Variants in RIC8B observed in about 807,000 individuals in gnomAD.
RIC8B encodes RIC8 guanine nucleotide exchange factor B.
Under a neutral mutation model 57.5 loss-of-function variants are expected in RIC8B, and 16 were observed. The ratio of observed to expected loss-of-function variants is 0.28; its 90% confidence interval spans 0.19 to 0.42. RIC8B has a LOEUF of 0.42. Ranked by LOEUF, RIC8B falls within the 10% of genes least tolerant of loss-of-function variation. The probability of loss-of-function intolerance (pLI) is 1.00; values close to 1 mark genes in which losing one functional copy is unlikely to be tolerated. For synonymous variants in RIC8B, 216 were observed against 250.8 expected, an observed-to-expected ratio of 0.86 and a Z score of 1.31; for missense variants, 481 against 677.0, an observed-to-expected ratio of 0.71 and a Z score of 3.21.
At position 106,815,195 on chromosome 12, in the gene RIC8B, C is replaced by T. The variant is rs1002427921; in HGVS notation, c.632C>T (p.Ala211Val). The part of the protein sequence containing the change: ...SIKWTDEYES[A>V]IDHNGPPLSP... ...AAGTGGACCGATGAGTATGAATCGG[C>T]CATAGACCATAATGGACCTCCTCTC... Residue 211 changes from alanine (A) to valine (V), a missense_variant, in exon 3 of 10, where the codon GCC becomes GTC. By Grantham distance (64) the Ala-to-Val change is moderately conservative (BLOSUM62 0). Around this residue, in one of 3 missense-constraint regions of RIC8B, gnomAD observed 421 missense variants for 560.9 expected, o/e 0.75. Coordinates refer to ENST00000392837, the MANE Select transcript of RIC8B (RefSeq NM_001330145.2). 3 of 1,614,066 alleles carry T rather than the reference C, an allele frequency of 1.9e-6. No individual in the cohort carries two copies. Among genetic ancestry groups the T allele is most frequent in the African/African-American group, 2.7e-5 (2 of 74,912 alleles).
chr12:106,786,752 T>G (rs752071387), intron 2 of RIC8B, among the ~76,000 whole-genome samples: 16 of 151,824 alleles, frequency 1.1e-4, no homozygotes, highest in Non-Finnish European at 1.0e-4. Flanking sequence ...AATATTATGA[T>G]GTAGTAGAAA....
intron 1 of RIC8B, among the ~76,000 whole-genome samples, chr12:106,780,183 G>A (rs756271006): frequency 2.0e-5 from 3 of 152,088 alleles, no homozygotes; most frequent in East Asian, 1.9e-4. Flanking sequence ...CAACCCCCTC[G>A]TTTAATAGAT....
At chr12:106,868,384 T>C (rs1359830282) in intron 8 of RIC8B, 1 of 455,788 alleles carries the variant, frequency 2.2e-6, no homozygotes, top group Non-Finnish European at 4.4e-6. Flanking sequence ...CCTTCCCTTA[T>C]ACTTTCTTCT....
chr12:106,814,760 G>A lies in RIC8B; in HGVS notation c.197G>A (p.Cys66Tyr). Residue 66 changes from cysteine to tyrosine, a missense_variant, in exon 3 of 10, where the codon TGC becomes TAC. Physicochemically the swap from Cys to Tyr is radical, Grantham distance 194. This residue lies in a region of RIC8B where 421 missense variants were observed against 560.9 expected (regional missense o/e 0.75). Coordinates refer to ENST00000392837, the MANE Select transcript of RIC8B (RefSeq NM_001330145.2). ...ATCCCAACAACATGTCAAGTGTCCT[G>A]CCTGGAAGTACTCCGCATTCTCTCC... The part of the protein sequence containing the change: ...KDIPTTCQVS[C>Y]LEVLRILSRD... 6.2e-7 allele frequency: 1 copy of A among 1,614,046 alleles called. No homozygotes were observed. Among genetic ancestry groups the A allele is most frequent in the Non-Finnish European group, 8.5e-7 (1 of 1,179,938 alleles).
intron 2 of RIC8B, among the ~76,000 whole-genome samples, chr12:106,796,544 A>G (rs138337341): frequency 4.5e-4 from 68 of 152,338 alleles, no homozygotes; most frequent in African/African-American, 1.5e-3. Context: ...CAAAAATTCA[A>G]CTGAATCAAA....
At chr12:106,848,774 C>T (rs75298520) in intron 6 of RIC8B, among the ~76,000 whole-genome samples, 15,741 of 151,928 alleles carry the variant, frequency 0.1, 995 homozygotes, top group Middle Eastern at 0.15. Flanking sequence ...GCTTAGGACC[C>T]GCTAAATTTA....
chr12:106,783,897 C>A, intron 1 of RIC8B, 100 bp from the exon 2 acceptor site: 1 of 1,071,022 alleles, frequency 9.3e-7, no homozygotes, highest in Non-Finnish European at 1.4e-6. Context: ...GGGAAGGCAA[C>A]ATTTTTTACA....
intron 2 of RIC8B, among the ~76,000 whole-genome samples, chr12:106,790,138 C>T (rs953961519): frequency 3.9e-5 from 6 of 152,158 alleles, no homozygotes; most frequent in African/African-American, 1.4e-4. Flanking sequence ...AGCTTGCTAA[C>T]ACTCACACCA....
intron 2 of RIC8B, among the ~76,000 whole-genome samples, chr12:106,789,162 A>G (rs531614036): frequency 1.3e-5 from 2 of 152,328 alleles, no homozygotes; most frequent in South Asian, 4.1e-4. Flanking sequence ...AAACATGACA[A>G]GAGTCACCTT....
At chr12:106,795,885 T>C (rs1234361306) in intron 2 of RIC8B, among the ~76,000 whole-genome samples, 1 of 152,188 alleles carries the variant, frequency 6.6e-6, no homozygotes, top group African/African-American at 2.4e-5. Context: ...CTGGAATTAG[T>C]ATAAATCTGG....
chr12:106,880,583 A>G (rs1326551767), intron 9 of RIC8B, among the ~76,000 whole-genome samples: 1 of 152,102 alleles, frequency 6.6e-6, no homozygotes, highest in East Asian at 1.9e-4. Flanking sequence ...CAGTTAGTTA[A>G]TGGTTGGGAA....
chr12:106,876,033 G>A (rs539749371), intron 9 of RIC8B, among the ~76,000 whole-genome samples: 1 of 152,126 alleles, frequency 6.6e-6, no homozygotes, highest in African/African-American at 2.4e-5. Context: ...AGTTAGTTAA[G>A]GAAATGCTTT....
chr12:106,830,253 A>G (rs2046299670), intron 4 of RIC8B, among the ~76,000 whole-genome samples: 1 of 152,200 alleles, frequency 6.6e-6, no homozygotes, highest in South Asian at 2.1e-4. Flanking sequence ...TTGAACCTAT[A>G]GAATGCTTTG....
Position 106,887,219 on chromosome 12 carries a change from T to C in RIC8B, c.*1204T>C, listed in dbSNP as rs1293211810. 6.6e-6 allele frequency: 1 copy of C among 152,616 alleles called. No individual in the cohort carries two copies. Among genetic ancestry groups the C allele is most frequent in the Non-Finnish European group, 1.5e-5 (1 of 68,034 alleles). 9.5% of individuals were successfully genotyped at this position (152,616 alleles called of 1,614,324 possible). On this transcript the variant is annotated 3_prime_UTR_variant, in exon 10 of 10. Coordinates refer to ENST00000392837, the MANE Select transcript of RIC8B (RefSeq NM_001330145.2). ...ACATACATTCATATATATACATATA[T>C]ACATAATGTGCTTAACCACTGCCTT...
chr12:106,785,939 T>A (rs748858527), intron 2 of RIC8B, among the ~76,000 whole-genome samples: 3 of 151,254 alleles, frequency 2.0e-5, no homozygotes, highest in Non-Finnish European at 4.4e-5. Context: ...GTAACACTCC[T>A]GGGCTTAAGT....
intron 2 of RIC8B, among the ~76,000 whole-genome samples, chr12:106,807,944 G>T (rs1444163742): frequency 6.6e-6 from 1 of 152,068 alleles, no homozygotes; most frequent in African/African-American, 2.4e-5. Context: ...AATTAGTGGG[G>T]TGTGGTGGCA....
At position 106,879,834 on chromosome 12, in the gene RIC8B, C is replaced by A; in HGVS notation, c.1572-6070C>A. Reference sequence around the variant, plus strand: ...CAGATGCCTGATCAGATGAGAAGCCCGCCATGATACTGTCACAGTGCCTAG... The same window carrying A: ...CAGATGCCTGATCAGATGAGAAGCCAGCCATGATACTGTCACAGTGCCTAG... On this transcript the variant is annotated intron_variant, in intron 9 of 9. Coordinates refer to ENST00000392837, the MANE Select transcript of RIC8B (RefSeq NM_001330145.2). This position sits in a 1 kb window ranked among gnomAD's most constrained non-coding sequence, Gnocchi z 4.9. The A allele has an allele frequency of 1.0e-6, 1 of 985,376 alleles. No homozygotes were observed. Among genetic ancestry groups the A allele is most frequent in the South Asian group, 4.7e-5 (1 of 21,274 alleles). 61.0% of individuals were successfully genotyped at this position (985,376 alleles called of 1,614,324 possible). A position where few individuals can be genotyped will look rare whatever the true frequency, so the allele number is the denominator to read the frequency against.
In RIC8B at chr12:106,878,824, T is replaced by TCC. The variant is rs34359253; in HGVS notation, c.1572-7072_1572-7071dup. 4.5e-3 allele frequency among the ~76,000 whole-genome samples: 670 copies of TCC among 150,208 alleles called. 6 individuals are homozygous for TCC. Among genetic ancestry groups the TCC allele is most frequent in the East Asian group, 0.012 (63 of 5,074 alleles). On this transcript the variant is annotated intron_variant, in intron 9 of 9. Transcript: ENST00000392837. ...GATTGAAGGAAGCAATGCCTCATGT[T>TCC]CCCCCCCCCTTTTCTTCTTTTCTAA...
chr12:106,875,827 G>C (rs1446695114), intron 9 of RIC8B, among the ~76,000 whole-genome samples: 1 of 151,984 alleles, frequency 6.6e-6, no homozygotes, highest in Non-Finnish European at 1.5e-5. Context: ...TTTGGAACAT[G>C]ACTTTTATAA....
Sources: gnomAD v4.1 joint callset for allele counts (sites outside exome capture counted in the v4.1 genomes callset) on GRCh38, gnomAD v4.1.1 for gene constraint, gnomAD v4.1.1 regional missense constraint, Gnocchi (gnomAD v3.1) non-coding constraint, MANE v1.5 for transcripts, NCBI Gene and HGNC (gene_info 2026-07-23, HGNC 2026-07-21) for gene names.